Variants in FRMD8 observed in about 807,000 individuals in gnomAD.
The protein encoded by FRMD8 is FERM domain-containing protein 8.
FRMD8 carries 37 observed loss-of-function variants against 54.2 expected under a neutral mutation model. The ratio of observed to expected loss-of-function variants is 0.68; its 90% CI spans 0.53 to 0.90. The LOEUF (loss-of-function observed/expected upper bound fraction) is 0.90. FRMD8 is among the 40% of genes least tolerant of loss of function. The probability of loss-of-function intolerance (pLI) is 0.00; values close to 1 mark genes in which losing one functional copy is unlikely to be tolerated. For missense variants in FRMD8, 585 were observed against 653.7 expected (o/e 0.89, Z 1.15); for synonymous variants, 246 against 286.9 (o/e 0.86, Z 1.44).
rs568363748 is a variant in FRMD8 at position 65,393,808 on chromosome 11, C to T, written c.355+134C>T. 1.4e-3 allele frequency: 1,142 copies of T among 831,746 alleles called. 2 individuals are homozygous for T. Among genetic ancestry groups the T allele is most frequent in the Non-Finnish European group, 1.8e-3 (955 of 523,010 alleles). 51.5% of individuals were successfully genotyped at this position (831,746 alleles called of 1,614,324 possible). A position where few individuals can be genotyped will look rare whatever the true frequency, so the allele number is the denominator to read the frequency against. The stretch of plus-strand genomic sequence containing the variant: ...CAGGGCCTGCATCTCCCCCAGGCTC[C>T]GTCAGCCACCCCTGGCAGGGGAGGA... On this transcript the variant is annotated intron_variant, in intron 4 of 10. Coordinates refer to ENST00000317568, the MANE Select transcript of FRMD8 (RefSeq NM_031904.5).
the FRMD8 span, chr11:65,376,854 G>A: frequency 1.9e-6 from 3 of 1,614,216 alleles, no homozygotes; most frequent in East Asian, 2.2e-5. Context: ...TGGCGACAGA[G>A]CCCTTCATAG....
upstream of FRMD8, among the ~76,000 whole-genome samples, chr11:65,385,336 C>T (rs1170461796): frequency 6.6e-6 from 1 of 152,176 alleles, no homozygotes; most frequent in Non-Finnish European, 1.5e-5. Context: ...AATGTGATGT[C>T]ATGGGCTCAG....
At position 65,394,381 on chromosome 11, in the gene FRMD8, G is replaced by A. The variant is rs777826149; in HGVS notation, c.537G>A (p.Gln179=). Residue 179 remains glutamine (Q), a synonymous_variant, in exon 6 of 11, where the codon CAG becomes CAA. Transcript: ENST00000317568. ...EALGALVCRV[Q]LGPYQPGRPA... ...TGGGCGCCCTGGTGTGCCGCGTGCA[G>A]CTTGGGCCCTACCAGCCCGGCCGGC... 6.3e-7 allele frequency: 1 copy of A among 1,575,540 alleles called. No individual in the cohort carries two copies.
At chr11:65,381,997 T>A (rs1286170899), upstream of FRMD8, 1 of 1,528,330 alleles carries the variant, frequency 6.5e-7, no homozygotes, top group Non-Finnish European at 9.1e-7. Flanking sequence ...GGAGACAGAG[T>A]TGAATTCCCC....
intron 10 of FRMD8, among the ~76,000 whole-genome samples, chr11:65,409,288 T>C (rs1194516212): frequency 3.9e-5 from 6 of 152,084 alleles, no homozygotes; most frequent in African/African-American, 7.2e-5. Context: ...GGTTTCGCCA[T>C]GTTGGCCAGG....
chr11:65,381,301 T>C, the FRMD8 span: 1 of 153,662 alleles, frequency 6.5e-6, no homozygotes, highest in Non-Finnish European at 1.5e-5. Flanking sequence ...TGGCTAATTT[T>C]TGTATTTTTA....
At chr11:65,383,860 G>T (rs1168257671), upstream of FRMD8, among the ~76,000 whole-genome samples, 1 of 151,598 alleles carries the variant, frequency 6.6e-6, no homozygotes, top group Non-Finnish European at 1.5e-5. Context: ...CCCCTGTCTT[G>T]ACAAATTGGC....
intron 3 of FRMD8, among the ~76,000 whole-genome samples, chr11:65,392,443 G>C (rs1000888709): frequency 6.6e-6 from 1 of 152,216 alleles, no homozygotes; most frequent in Non-Finnish European, 1.5e-5. Context: ...CTGCACCCCG[G>C]TGACGGACAT....
intron 2 of FRMD8, 164 bp downstream of exon 2, chr11:65,387,285 C>G: frequency 1.4e-6 from 1 of 730,096 alleles, no homozygotes; most frequent in Non-Finnish European, 2.4e-6. Context: ...GAGGCTCTGT[C>G]ACTAGTTTAC....
At chr11:65,410,105 C>T (rs535781592) in intron 10 of FRMD8, among the ~76,000 whole-genome samples, 5 of 152,058 alleles carry the variant, frequency 3.3e-5, no homozygotes, top group African/African-American at 1.2e-4. Flanking sequence ...GTGGCTCACA[C>T]CTGTAATCCC....
chr11:65,373,312 C>A, the FRMD8 span, among the ~76,000 whole-genome samples: 1 of 152,200 alleles, frequency 6.6e-6, no homozygotes, highest in Non-Finnish European at 1.5e-5. Context: ...ACCTGGGAAC[C>A]GGCCTCAGGT....
intron 4 of FRMD8, 156 bp downstream of exon 4, chr11:65,393,830 A>G: frequency 1.3e-6 from 1 of 793,848 alleles, no homozygotes; most frequent in Admixed American, 2.5e-5. Flanking sequence ...CTGGCAGGGG[A>G]GGAAGGGGTC....
At chr11:65,377,788 G>A in the FRMD8 span, 9 of 152,456 alleles carry the variant, frequency 5.9e-5, no homozygotes, top group African/African-American at 2.2e-4. Flanking sequence ...GGGCAATTAA[G>A]ATTTGGGTCA....
At chr11:65,393,828 G>C (rs1447117524) in intron 4 of FRMD8, 154 bp downstream of exon 4, 2 of 795,658 alleles carry the variant, frequency 2.5e-6, no homozygotes, top group African/African-American at 3.4e-5. Context: ...CCCTGGCAGG[G>C]GAGGAAGGGG....
the FRMD8 span, among the ~76,000 whole-genome samples, chr11:65,374,305 CCCATGTGCCCAGGTGGAGCAGGGTAG>C: frequency 0.022 from 3,156 of 145,202 alleles, 40 homozygotes; most frequent in Middle Eastern, 0.086. Flanking sequence ...GCAGAAGACC[CCCATGTGCCCAGGTGGAGCAGGGTAG>C]CCATGTGCCC....
upstream of FRMD8, chr11:65,381,787 G>A (rs1855573091): frequency 5.1e-6 from 6 of 1,176,816 alleles, no homozygotes; most frequent in South Asian, 7.3e-5. Context: ...CAAACTCCTG[G>A]GCTCAAGTGA....
At position 65,399,830 on chromosome 11, in the gene FRMD8, G is replaced by T; in HGVS notation, c.898G>T (p.Gly300Cys). 1 of 1,614,022 alleles carries T rather than the reference G, an allele frequency of 6.2e-7. No individual in the cohort carries two copies. Among genetic ancestry groups the T allele is most frequent in the Non-Finnish European group, 8.5e-7 (1 of 1,179,936 alleles). ...AGTTTCTGTGGCCATCAGTCTGGAA[G>T]GCGTGCACGTCATCGATAGCAGAGA... ...KPVSVAISLE[G>C]VHVIDSREKH... Residue 300 changes from glycine to cysteine, a missense_variant, in exon 8 of 11, where the codon GGC (glycine) becomes TGC (cysteine). Coordinates refer to ENST00000317568, the MANE Select transcript of FRMD8 (RefSeq NM_031904.5).
chr11:65,404,384 T>C lies in FRMD8; in HGVS notation c.1072-480T>C, dbSNP rs950232832. ...TCTTTTCTGTCAGTGTGCCTCATGC[T>C]TCACACCTGTTGAGTAGGAGTCACT... On this transcript the variant is annotated intron_variant, in intron 9 of 10. Coordinates refer to ENST00000317568, the MANE Select transcript of FRMD8 (RefSeq NM_031904.5). This position sits in a 1 kb window ranked among gnomAD's most constrained non-coding sequence, Gnocchi z 4.7. Among the ~76,000 whole-genome samples, 18 of 152,154 alleles carry C rather than the reference T, an allele frequency of 1.2e-4. No individual in the cohort carries two copies. The highest frequency in any genetic ancestry group is 4.3e-4 in the African/African-American group (18 of 41,442).
At chr11:65,387,195 T>G (rs779283301) in intron 2 of FRMD8, 74 bp downstream of exon 2, 2 of 1,144,988 alleles carry the variant, frequency 1.7e-6, no homozygotes, top group South Asian at 2.4e-5. Flanking sequence ...CTGGCTTGTC[T>G]TCTTTTTCAT....
Sources: allele counts gnomAD v4.1 joint callset (sites outside exome capture counted in the v4.1 genomes callset), GRCh38; gene constraint gnomAD v4.1.1; non-coding constraint Gnocchi (gnomAD v3.1); transcripts MANE v1.5; gene names NCBI Gene and HGNC (gene_info 2026-07-23, HGNC 2026-07-21).